Variants in SMC6 observed in about 807,000 individuals in gnomAD.
SMC6 encodes the protein structural maintenance of chromosomes protein 6.
A neutral mutation model predicts 142.2 loss-of-function variants in SMC6; 79 were observed. The ratio of observed to expected loss-of-function variants is 0.56; its 90% CI spans 0.46 to 0.67. The LOEUF (loss-of-function observed/expected upper bound fraction) is 0.67, where lower values mean the gene tolerates loss of function less well. SMC6 is among the 30% of genes least tolerant of loss of function. The pLI, the probability that SMC6 is intolerant of heterozygous loss-of-function variation, is 0.00. For missense variants in SMC6, 1,072 were observed against 1,284.0 expected (o/e 0.83, Z 2.52); for synonymous variants, 411 against 412.4 (o/e 1.00, Z 0.04).
intron 4 of SMC6, among the ~76,000 whole-genome samples, chr2:17,739,635 ACT>A (rs1026490051): frequency 3.2e-4 from 48 of 151,874 alleles, no homozygotes; most frequent in Admixed American, 8.5e-4. Context: ...ATAAAGCAAG[ACT>A]CTGTCTCAAA....
chr2:17,745,970 T>G lies in SMC6; in HGVS notation c.-5-19A>C, dbSNP rs1670727799. 1 of 1,574,290 alleles carries G rather than the reference T, an allele frequency of 6.4e-7. No homozygotes were observed. Among genetic ancestry groups the G allele is most frequent in the Non-Finnish European group, 8.6e-7 (1 of 1,162,090 alleles). ...ATCAGGTCTGAACAAATATTTATAG[T>G]AACAATGAGGTAAATCAAGTTCCAT... On this transcript the variant is annotated intron_variant, in intron 2 of 27. Coordinates refer to ENST00000448223, the MANE Select transcript of SMC6 (RefSeq NM_001142286.2).
chr2:17,699,320 G>A (rs927949781), intron 21 of SMC6, among the ~76,000 whole-genome samples: 12 of 152,020 alleles, frequency 7.9e-5, no homozygotes, highest in Non-Finnish European at 1.6e-4. Flanking sequence ...TGAGAAATAT[G>A]CTGTCACACA....
At chr2:17,677,503 A>G (rs1667048438) in intron 25 of SMC6, among the ~76,000 whole-genome samples, 1 of 152,168 alleles carries the variant, frequency 6.6e-6, no homozygotes, top group South Asian at 2.1e-4. Flanking sequence ...AAACACTCCC[A>G]GGAAAGAAAA....
chr2:17,735,023 G>A (rs1670082955), intron 5 of SMC6, among the ~76,000 whole-genome samples: 1 of 152,090 alleles, frequency 6.6e-6, no homozygotes, highest in South Asian at 2.1e-4. Context: ...GAGCCACAGT[G>A]CCTGGCCTGC....
In SMC6 at chr2:17,708,709, T is replaced by A. The variant is rs770796475; in HGVS notation, c.1775A>T (p.Glu592Val). 6.4e-7 allele frequency: 1 copy of A among 1,563,108 alleles called. No individual in the cohort carries two copies. Among genetic ancestry groups the A allele is most frequent in the Non-Finnish European group, 8.7e-7 (1 of 1,152,816 alleles). Residue 592 changes from glutamate to valine, a missense_variant, in exon 17 of 28, where the codon GAA (glutamate) becomes GTA (valine). This residue lies in a region of SMC6 where 994 missense variants were observed against 1,153.2 expected (regional missense o/e 0.86). Coordinates refer to ENST00000448223, the MANE Select transcript of SMC6 (RefSeq NM_001142286.2). ...ATTTGCCACAACCGCATTATCTATT[T>A]CTAAAGCTGTCAGAACTGTTGGAAA... Reference protein sequence around the residue: ...PDFPTVLTALEIDNAVVANSL... With the variant: ...PDFPTVLTALVIDNAVVANSL...
At chr2:17,693,698 TAAAA>T (rs1240016033) in intron 23 of SMC6, among the ~76,000 whole-genome samples, 1 of 149,556 alleles carries the variant, frequency 6.7e-6, no homozygotes, top group Non-Finnish European at 1.5e-5. Context: ...AAATAAAAAA[TAAAA>T]AAAAAGAATG....
At chr2:17,672,159 G>T (rs1666790303) in intron 25 of SMC6, among the ~76,000 whole-genome samples, 1 of 152,066 alleles carries the variant, frequency 6.6e-6, no homozygotes, top group African/African-American at 2.4e-5. Context: ...ATGCAATCTT[G>T]CCCCCACACT....
intron 19 of SMC6, among the ~76,000 whole-genome samples, chr2:17,702,580 T>C (rs1484370813): frequency 6.6e-6 from 1 of 152,174 alleles, no homozygotes; most frequent in Non-Finnish European, 1.5e-5. Context: ...TTTAAATGAA[T>C]TGATATGGTT....
intron 20 of SMC6, 104 bp downstream of exon 20, chr2:17,701,725 G>A: frequency 1.5e-6 from 1 of 687,390 alleles, no homozygotes; most frequent in Non-Finnish European, 2.5e-6. Context: ...ATAAAGAGTA[G>A]CTTCAATTAA....
At chr2:17,706,780 G>A (rs1427812367) in intron 18 of SMC6, among the ~76,000 whole-genome samples, 2 of 152,118 alleles carry the variant, frequency 1.3e-5, no homozygotes, top group African/African-American at 4.8e-5. Flanking sequence ...AATCATGTCA[G>A]TTGATCTTCT....
chr2:17,701,565 T>C (rs1668274122), intron 20 of SMC6, among the ~76,000 whole-genome samples: 1 of 152,134 alleles, frequency 6.6e-6, no homozygotes, highest in African/African-American at 2.4e-5. Context: ...TGTTTAGAAA[T>C]ACAATTAAGT....
intron 25 of SMC6, among the ~76,000 whole-genome samples, chr2:17,673,319 T>C (rs918637128): frequency 6.6e-6 from 1 of 152,150 alleles, no homozygotes; most frequent in Non-Finnish European, 1.5e-5. Context: ...CTTTTCCTAG[T>C]CTGTAGCTTC....
intron 9 of SMC6, among the ~76,000 whole-genome samples, chr2:17,724,492 A>G (rs958288619): frequency 6.6e-6 from 1 of 152,250 alleles, no homozygotes; most frequent in Admixed American, 6.5e-5. Context: ...TGGTTATATA[A>G]AACTAACAAA....
chr2:17,678,701 A>G (rs763891323), intron 25 of SMC6, among the ~76,000 whole-genome samples, 158 bp downstream of exon 25: 4 of 151,894 alleles, frequency 2.6e-5, no homozygotes, highest in Admixed American at 2.0e-4. Context: ...GCTTGAGCCT[A>G]TGAGTTCAAG....
At chr2:17,748,418 T>G (rs1670860541) in intron 2 of SMC6, among the ~76,000 whole-genome samples, 1 of 152,220 alleles carries the variant, frequency 6.6e-6, no homozygotes, top group African/African-American at 2.4e-5. Context: ...AAAGGGTACA[T>G]TACTTACCAT....
At chr2:17,667,599 C>T (rs1389289618) in intron 26 of SMC6, among the ~76,000 whole-genome samples, 1 of 152,118 alleles carries the variant, frequency 6.6e-6, no homozygotes, top group Non-Finnish European at 1.5e-5. Flanking sequence ...CCTTTAATCC[C>T]AGCACTTTGG....
rs1222569926 is a variant in SMC6 at position 17,731,183 on chromosome 2, C to A, written c.482-44G>T. 2.2e-6 allele frequency: 3 copies of A among 1,334,446 alleles called. No individual in the cohort carries two copies. The Admixed American group carries it at 6.2e-5, about 27-fold the overall frequency. The allele number at this position is 1,334,446 out of a possible 1,614,324, so 82.7% of individuals were successfully genotyped here. On this transcript the variant is annotated intron_variant, in intron 6 of 27. Transcript: ENST00000448223. ...TGAAATAACCAAACTGTTTCTAGGG[C>A]ATAACACAGAAAAAATGTATAGTTA...
At chr2:17,708,519 T>G in intron 17 of SMC6, 120 bp downstream of exon 17, 1 of 425,764 alleles carries the variant, frequency 2.3e-6, no homozygotes, top group Non-Finnish European at 4.0e-6. Context: ...CAGGTAAAAG[T>G]ACAATAGTGA....
chr2:17,704,955 G>A (rs1247398065), intron 18 of SMC6, among the ~76,000 whole-genome samples: 4 of 107,460 alleles, frequency 3.7e-5, no homozygotes, highest in Admixed American at 3.1e-4. Flanking sequence ...TAGTAATTTT[G>A]CTAAAAAAAA....
Sources: gnomAD v4.1 joint callset for allele counts (sites outside exome capture counted in the v4.1 genomes callset) on GRCh38, gnomAD v4.1.1 for gene constraint, gnomAD v4.1.1 regional missense constraint, MANE v1.5 for transcripts, NCBI Gene and HGNC (gene_info 2026-07-23, HGNC 2026-07-21) for gene names.